The following ASCC3 variants were observed in gnomAD, a reference collection of about 807,000 sequenced individuals.
ASCC3 encodes the protein ASC-1 complex subunit P200.
Under a neutral mutation model 256.3 loss-of-function variants are expected in ASCC3, and 158 were observed. The observed-to-expected ratio is 0.62, with a 90% CI of 0.54 to 0.70. The LOEUF is 0.70. ASCC3 is among the 30% of genes least tolerant of loss of function. The pLI is 0.00. For synonymous variants in ASCC3, 948 were observed against 883.4 expected, an observed-to-expected ratio of 1.07 and a Z score of -1.30; for missense variants, 2,259 against 2,626.0, an observed-to-expected ratio of 0.86 and a Z score of 3.05.
intron 2 of ASCC3, 94 bp downstream of exon 2, chr6:100,867,814 T>C: frequency 9.0e-7 from 1 of 1,113,960 alleles, no homozygotes; most frequent in Non-Finnish European, 1.3e-6. Flanking sequence ...AACTTCCATG[T>C]TAACCACATA....
In ASCC3 at chr6:100,509,310, A is replaced by G; in HGVS notation, c.*76T>C. The G allele has an allele frequency of 6.3e-7, 1 of 1,580,326 alleles. No homozygotes were observed. The highest frequency in any genetic ancestry group is 8.7e-7 in the Non-Finnish European group (1 of 1,150,490). On this transcript the variant is annotated 3_prime_UTR_variant, in exon 42 of 42. Coordinates refer to ENST00000369162, the MANE Select transcript of ASCC3 (RefSeq NM_006828.4). ...GTTGATTCTTTCAAGGCAAACATCA[A>G]GTAATTCGATTTGTCTAGATGACTG...
chr6:100,564,616 A>C (rs928378642), intron 36 of ASCC3, among the ~76,000 whole-genome samples: 5 of 152,182 alleles, frequency 3.3e-5, no homozygotes, highest in African/African-American at 1.2e-4. Flanking sequence ...ATCACTTCTT[A>C]GACATAGGCC....
In ASCC3 at chr6:100,723,860, TTATATATATATATA is replaced by T. The variant is rs58924032; in HGVS notation, c.1902+1665_1902+1678del. Among the ~76,000 whole-genome samples the T allele has an allele frequency of 5.5e-3, 602 of 110,224 alleles. 4 individuals are homozygous for T. The highest frequency in any genetic ancestry group is 6.0e-3 in the Non-Finnish European group (321 of 53,886). The allele number at this position is 110,224 out of a possible 152,430, so 72.3% of individuals were successfully genotyped here. The stretch of plus-strand genomic sequence containing the variant: ...GATATGGCCAGAAGTTATTAGGGAA[TTATATATATATATA>T]TATATATATATATATATATATATTT... On this transcript the variant is annotated intron_variant, in intron 11 of 41. Transcript: ENST00000369162.
intron 37 of ASCC3, among the ~76,000 whole-genome samples, chr6:100,518,620 T>A (rs901824481): frequency 2.0e-5 from 3 of 152,254 alleles, no homozygotes; most frequent in Non-Finnish European, 4.4e-5. Flanking sequence ...AGGCCTGGTT[T>A]TCAATGACAA....
intron 36 of ASCC3, among the ~76,000 whole-genome samples, chr6:100,552,523 T>C (rs962398823): frequency 1.3e-5 from 2 of 152,020 alleles, no homozygotes; most frequent in African/African-American, 4.8e-5. Context: ...AGAAATTGTA[T>C]CCTCTTGAAC....
At chr6:100,559,075 C>T (rs527681514) in intron 36 of ASCC3, among the ~76,000 whole-genome samples, 1 of 152,112 alleles carries the variant, frequency 6.6e-6, no homozygotes, top group East Asian at 1.9e-4. Flanking sequence ...GTGAATAGAA[C>T]CACAGGAGAA....
chr6:100,741,825 A>G (rs986455198), intron 10 of ASCC3, among the ~76,000 whole-genome samples: 1 of 152,182 alleles, frequency 6.6e-6, no homozygotes, highest in South Asian at 2.1e-4. Flanking sequence ...AGGCTACAAC[A>G]TGCTCCTTTA....
At chr6:100,809,524 C>CTATG (rs1770356714) in intron 4 of ASCC3, among the ~76,000 whole-genome samples, 1 of 152,022 alleles carries the variant, frequency 6.6e-6, no homozygotes, top group Non-Finnish European at 1.5e-5. Flanking sequence ...CCGTCACTGA[C>CTATG]CAAAACATCC....
At chr6:100,640,241 TA>T (rs1292635052) in intron 24 of ASCC3, among the ~76,000 whole-genome samples, 37 of 152,046 alleles carry the variant, frequency 2.4e-4, no homozygotes, top group African/African-American at 9.0e-4. Context: ...AATAAATAAA[TA>T]AACTGCATAT....
intron 14 of ASCC3, among the ~76,000 whole-genome samples, chr6:100,677,056 A>G (rs1224922533): frequency 1.3e-5 from 2 of 152,054 alleles, no homozygotes; most frequent in Non-Finnish European, 2.9e-5. Flanking sequence ...CATTTTTCAA[A>G]AACATGGGAG....
intron 34 of ASCC3, among the ~76,000 whole-genome samples, chr6:100,598,933 G>C (rs1330002278): frequency 6.6e-6 from 1 of 152,126 alleles, no homozygotes; most frequent in Non-Finnish European, 1.5e-5. Context: ...GCAAAGGAGA[G>C]GGAAGATCAA....
chr6:100,638,018 A>G (rs1391528985), intron 25 of ASCC3, among the ~76,000 whole-genome samples: 1 of 152,182 alleles, frequency 6.6e-6, no homozygotes, highest in African/African-American at 2.4e-5. Flanking sequence ...ATTTTGAAAG[A>G]CGTTCTATCG....
At chr6:100,844,422 A>C (rs1273255957) in intron 4 of ASCC3, among the ~76,000 whole-genome samples, 1 of 151,694 alleles carries the variant, frequency 6.6e-6, no homozygotes, top group Non-Finnish European at 1.5e-5. Flanking sequence ...CTAGGGGAAA[A>C]TTTTCTGTTG....
At chr6:100,580,167 C>T (rs1219061979) in intron 36 of ASCC3, among the ~76,000 whole-genome samples, 3 of 152,018 alleles carry the variant, frequency 2.0e-5, no homozygotes, top group Admixed American at 6.6e-5. Flanking sequence ...GATTTGCGTA[C>T]ACTAATTTTG....
intron 11 of ASCC3, among the ~76,000 whole-genome samples, chr6:100,724,148 C>CAAA (rs574759618): frequency 3.2e-5 from 4 of 126,358 alleles, no homozygotes; most frequent in African/African-American, 6.0e-5. Context: ...TACAAAAAAA[C>CAAA]AAAAAAAAAA....
At chr6:100,685,103 G>A (rs371247319) in intron 13 of ASCC3, among the ~76,000 whole-genome samples, 3 of 152,086 alleles carry the variant, frequency 2.0e-5, no homozygotes, top group Non-Finnish European at 2.9e-5. Context: ...CACCATGCGC[G>A]GCCAAATCAA....
chr6:100,696,287 A>C (rs2114991839), intron 13 of ASCC3, among the ~76,000 whole-genome samples: 1 of 152,314 alleles, frequency 6.6e-6, no homozygotes, highest in East Asian at 1.9e-4. Context: ...AGATAAAGAC[A>C]GTACAAATGT....
At chr6:100,565,658 T>C (rs901463391) in intron 36 of ASCC3, among the ~76,000 whole-genome samples, 1 of 151,886 alleles carries the variant, frequency 6.6e-6, no homozygotes, top group Non-Finnish European at 1.5e-5. Flanking sequence ...TGGCTTTCAG[T>C]AAAATATTAA....
intron 10 of ASCC3, among the ~76,000 whole-genome samples, chr6:100,756,219 C>G (rs1300100744): frequency 6.6e-6 from 1 of 151,364 alleles, no homozygotes; most frequent in Non-Finnish European, 1.5e-5. Context: ...AAAAAAAAAA[C>G]TTCTTTGTAC....
Sources: gnomAD v4.1 joint callset for allele counts (sites outside exome capture counted in the v4.1 genomes callset) on GRCh38, gnomAD v4.1.1 for gene constraint, MANE v1.5 for transcripts, NCBI Gene and HGNC (gene_info 2026-07-23, HGNC 2026-07-21) for gene names.